The following MDN1 variants were observed in gnomAD, a reference collection of about 807,000 sequenced individuals.
The protein encoded by MDN1 is midasin AAA ATPase 1.
A neutral mutation model predicts 669.2 loss-of-function variants in MDN1; 266 were observed. That is an observed-to-expected ratio of 0.40 (90% CI 0.36 to 0.44). The LOEUF (loss-of-function observed/expected upper bound fraction) is 0.44. Among genes scored for constraint, MDN1 ranks in the 20% least tolerant of loss-of-function variants. The pLI is 1.00. For missense variants in MDN1, 5,940 were observed against 6,754.0 expected (o/e 0.88, Z 4.22); for synonymous variants, 2,385 against 2,457.1 (o/e 0.97, Z 0.87).
intron 1 of MDN1, among the ~76,000 whole-genome samples, chr6:89,807,192 T>G (rs774635012): frequency 2.0e-5 from 3 of 152,132 alleles, no homozygotes; most frequent in Non-Finnish European, 4.4e-5. Context: ...ACTCAAGGGA[T>G]CCTCCTGCCT....
chr6:89,729,676 C>T (rs895159499), intron 35 of MDN1, among the ~76,000 whole-genome samples: 24 of 107,924 alleles, frequency 2.2e-4, no homozygotes, highest in Middle Eastern at 5.6e-3. Context: ...GTTTTGTTTT[C>T]GTTTTTTTTT....
chr6:89,698,798 T>C (rs367927722), intron 59 of MDN1, 67 bp downstream of exon 59: 20 of 1,510,394 alleles, frequency 1.3e-5, no homozygotes, highest in Admixed American at 1.1e-4. Context: ...TAAATGTTTA[T>C]TGATAGATCC....
chr6:89,652,178 G>A lies in MDN1; in HGVS notation c.15915+14C>T. 6.2e-7 allele frequency: 1 copy of A among 1,605,512 alleles called. No homozygotes were observed. The highest frequency in any genetic ancestry group is 1.1e-5 in the South Asian group (1 of 90,452). On this transcript the variant is annotated intron_variant, in intron 95 of 101. Coordinates refer to ENST00000369393, the MANE Select transcript of MDN1 (RefSeq NM_014611.3). ...CGAGATATTTTATGAAAAAAACAGT[G>A]AGCAGTGACTTACCTCCTCTGGGTT...
intron 29 of MDN1, among the ~76,000 whole-genome samples, chr6:89,744,367 G>A (rs1464470887): frequency 1.3e-5 from 2 of 152,054 alleles, no homozygotes; most frequent in Non-Finnish European, 2.9e-5. Context: ...GATCACTTGG[G>A]CCCAGGAGTT....
intron 2 of MDN1, among the ~76,000 whole-genome samples, chr6:89,796,478 C>T (rs917947690): frequency 6.6e-6 from 1 of 151,820 alleles, no homozygotes; most frequent in Non-Finnish European, 1.5e-5. Context: ...CCAGACTGCA[C>T]TAGAGAAAAG....
intron 27 of MDN1, 82 bp downstream of exon 27, chr6:89,747,247 C>A: frequency 6.7e-7 from 1 of 1,500,088 alleles, no homozygotes; most frequent in Non-Finnish European, 9.0e-7. Context: ...GTATCAATCA[C>A]AATTTGAGGC....
intron 33 of MDN1, 110 bp from the exon 34 acceptor site, chr6:89,732,885 G>T: frequency 1.2e-6 from 1 of 853,294 alleles, no homozygotes; most frequent in Non-Finnish European, 1.8e-6. Flanking sequence ...CTCCTTCTAA[G>T]CAAAGTTCTG....
intron 88 of MDN1, among the ~76,000 whole-genome samples, 163 bp from the exon 89 acceptor site, chr6:89,659,080 G>T (rs1809534664): frequency 6.6e-6 from 1 of 152,200 alleles, no homozygotes; most frequent in African/African-American, 2.4e-5. Flanking sequence ...ATGTTTCTAT[G>T]AAGAAAGTTC....
chr6:89,799,901 AC>A (rs745838921), intron 2 of MDN1, among the ~76,000 whole-genome samples: 3 of 152,016 alleles, frequency 2.0e-5, no homozygotes, highest in Non-Finnish European at 4.4e-5. Flanking sequence ...TTGTTATTCA[AC>A]CCCCTTTCAA....
At chr6:89,708,978 C>T (rs1219763657) in intron 50 of MDN1, among the ~76,000 whole-genome samples, 2 of 48,686 alleles carry the variant, frequency 4.1e-5, no homozygotes, top group Admixed American at 6.3e-4. Flanking sequence ...TCACCATTAG[C>T]TTAAAAAAAA....
intron 11 of MDN1, among the ~76,000 whole-genome samples, chr6:89,779,443 C>T (rs1818533142): frequency 6.6e-6 from 1 of 152,072 alleles, no homozygotes; most frequent in African/African-American, 2.4e-5. Context: ...CAGAAGAGTC[C>T]ACCACCCTCA....
At chr6:89,670,160 ATATATATATATTTTTTT>A (rs1294838564) in intron 83 of MDN1, among the ~76,000 whole-genome samples, 13,319 of 42,946 alleles carry the variant, frequency 0.31, 1,256 homozygotes, top group South Asian at 0.37. Context: ...ATATATATAT[ATATATATATATTTTTTT>A]TTTTTTTTTT....
intron 1 of MDN1, among the ~76,000 whole-genome samples, chr6:89,805,543 T>TC (rs1298211592): frequency 6.6e-6 from 1 of 151,706 alleles, no homozygotes; most frequent in African/African-American, 2.4e-5. Flanking sequence ...AAGCCCTGTC[T>TC]CCCCCCACAA....
chr6:89,810,165 G>T (rs1208000548), intron 1 of MDN1, among the ~76,000 whole-genome samples: 2 of 152,014 alleles, frequency 1.3e-5, no homozygotes, highest in Non-Finnish European at 2.9e-5. Flanking sequence ...GCCGGGTATA[G>T]TGGCTCACGC....
chr6:89,728,083 T>C (rs752860510), intron 36 of MDN1, 128 bp from the exon 37 acceptor site: 12 of 1,121,352 alleles, frequency 1.1e-5, no homozygotes, highest in African/African-American at 1.6e-5. Context: ...ACACCCAAGA[T>C]AGAACTAACC....
chr6:89,795,749 T>C (rs1819557394), intron 2 of MDN1, among the ~76,000 whole-genome samples: 1 of 149,340 alleles, frequency 6.7e-6, no homozygotes, highest in Admixed American at 6.7e-5. Flanking sequence ...AGGTCAGGAG[T>C]TCTAGACAGC....
intron 72 of MDN1, among the ~76,000 whole-genome samples, 158 bp from the exon 73 acceptor site, chr6:89,683,488 G>C (rs1220855513): frequency 6.6e-6 from 1 of 152,120 alleles, no homozygotes; most frequent in African/African-American, 2.4e-5. Flanking sequence ...TTATTTTTAA[G>C]AGAAAAAGTA....
At chr6:89,666,251 T>G (rs1340366284) in intron 84 of MDN1, among the ~76,000 whole-genome samples, 1 of 152,244 alleles carries the variant, frequency 6.6e-6, no homozygotes, top group Non-Finnish European at 1.5e-5. Context: ...TTTACAGACT[T>G]ATGCAATCTG....
At chr6:89,773,958 C>G (rs1186350913) in intron 13 of MDN1, among the ~76,000 whole-genome samples, 7 of 149,866 alleles carry the variant, frequency 4.7e-5, no homozygotes, top group Admixed American at 6.7e-5. Flanking sequence ...GAGTGAGACT[C>G]TGTCTTAAAA....
Sources: allele counts gnomAD v4.1 joint callset (sites outside exome capture counted in the v4.1 genomes callset), GRCh38; gene constraint gnomAD v4.1.1; transcripts MANE v1.5; gene names NCBI Gene and HGNC (gene_info 2026-07-23, HGNC 2026-07-21).